The following NCOA2 variants were observed in gnomAD, a reference collection of about 807,000 sequenced individuals.
NCOA2 encodes nuclear receptor coactivator 2, also known as class E basic helix-loop-helix protein 75.
In NCOA2, 21 loss-of-function variants were observed where a neutral mutation model predicts 145.1. That is an observed-to-expected ratio of 0.14 (90% CI 0.10 to 0.21). NCOA2 has a LOEUF of 0.21. NCOA2 is among the 10% of genes least tolerant of loss of function. The pLI, the probability that NCOA2 is intolerant of heterozygous loss-of-function variation, is 1.00. For missense variants in NCOA2, 1,472 were observed against 1,837.6 expected (o/e 0.80, Z 3.64); for synonymous variants, 619 against 637.5 (o/e 0.97, Z 0.44).
intron 4 of NCOA2, among the ~76,000 whole-genome samples, chr8:70,202,213 T>C (rs1279045842): frequency 6.6e-6 from 1 of 151,960 alleles, no homozygotes; most frequent in Non-Finnish European, 1.5e-5. Context: ...TATGGGAAAA[T>C]GGAAAGTCTT....
At chr8:70,344,289 C>A (rs571580864) in intron 1 of NCOA2, among the ~76,000 whole-genome samples, 2 of 152,256 alleles carry the variant, frequency 1.3e-5, no homozygotes, top group South Asian at 2.1e-4. Context: ...CAGATGGGGA[C>A]TGGAAGTTTG....
At chr8:70,122,059 T>C (rs545357567) in intron 21 of NCOA2, among the ~76,000 whole-genome samples, 36 of 152,340 alleles carry the variant, frequency 2.4e-4, no homozygotes, top group Non-Finnish European at 2.5e-4. Flanking sequence ...CAAATAAAAA[T>C]GCATCAATTC....
chr8:70,453,274 C>T, the NCOA2 span, among the ~76,000 whole-genome samples: 1 of 152,194 alleles, frequency 6.6e-6, no homozygotes, highest in Non-Finnish European at 1.5e-5. Flanking sequence ...TGGCCCACAT[C>T]GAAATGCGCC....
rs542603690 is a variant in NCOA2, at chr8:70,162,969, C to T, written c.833-115G>A. The stretch of plus-strand genomic sequence containing the variant: ...TCACTCTATCGTCCAGGCTGGAGTG[C>T]AGTGGTGCGATCTCAGCTCACTGCA... On this transcript the variant is annotated intron_variant, in intron 8 of 22. Coordinates refer to ENST00000452400, the MANE Select transcript of NCOA2 (RefSeq NM_006540.4). The T allele has an allele frequency of 1.1e-4, 119 of 1,066,502 alleles. No homozygotes were observed. The South Asian group carries it at 1.5e-3, about 14-fold the overall frequency. 66.1% of individuals were successfully genotyped at this position (1,066,502 alleles called of 1,614,324 possible).
Position 70,160,682 on chromosome 8 carries a change from G to GAGAGAGAGAGAGGGA in NCOA2, c.977-1031_977-1030insTCCCTCTCTCTCTCT, listed in dbSNP as rs371258460. 4.7e-3 allele frequency among the ~76,000 whole-genome samples: 276 copies of GAGAGAGAGAGAGGGA among 58,354 alleles called. 1 individual carries two copies. Among genetic ancestry groups the GAGAGAGAGAGAGGGA allele is most frequent in the Admixed American group, 0.012 (54 of 4,442 alleles). The allele number at this position is 58,354 out of a possible 152,430, so 38.3% of individuals were successfully genotyped here. A position where few individuals can be genotyped will look rare whatever the true frequency, so the allele number is the denominator to read the frequency against. On this transcript the variant is annotated intron_variant, in intron 9 of 22. Transcript: ENST00000452400. ...GACAGAGAGAGAGAGAGAGAGAGAG[G>GAGAGAGAGAGAGGGA]GAGAGAGAGAGAGAGAGAGACTGAC...
At chr8:70,338,116 C>T (rs550206387) in intron 1 of NCOA2, among the ~76,000 whole-genome samples, 70 of 150,860 alleles carry the variant, frequency 4.6e-4, no homozygotes, top group Middle Eastern at 3.4e-3. Context: ...GATAGAGACA[C>T]AAAAAAACCC....
the NCOA2 span, among the ~76,000 whole-genome samples, chr8:70,443,508 A>C: frequency 9.9e-5 from 15 of 152,186 alleles, no homozygotes; most frequent in Non-Finnish European, 2.2e-4. Context: ...GAAACAGAGC[A>C]ATTGCCCCAA....
At position 70,122,216 on chromosome 8, in the gene NCOA2, T is replaced by C. The variant is rs34969832; in HGVS notation, c.4294-825A>G. Among the ~76,000 whole-genome samples the C allele has an allele frequency of 1.7e-3, 253 of 152,236 alleles. 1 individual carries two copies. Among genetic ancestry groups the C allele is most frequent in the Non-Finnish European group, 3.2e-3 (218 of 68,010 alleles). Reference sequence around the variant, plus strand: ...AAACATCAACCCTACATTTCTCCATTGAAGAAATAAAAGCATAGATATCTC... The same window carrying C: ...AAACATCAACCCTACATTTCTCCATCGAAGAAATAAAAGCATAGATATCTC... On this transcript the variant is annotated intron_variant, in intron 21 of 22. Transcript: ENST00000452400.
At chr8:70,353,732 C>G (rs1779602744) in intron 1 of NCOA2, among the ~76,000 whole-genome samples, 1 of 151,900 alleles carries the variant, frequency 6.6e-6, no homozygotes, top group Admixed American at 6.6e-5. Context: ...CTGATAATCT[C>G]CCATATCTAA....
intron 15 of NCOA2, among the ~76,000 whole-genome samples, chr8:70,133,200 C>CTTTTTTTTTTTTTTTTTTTTTT (rs57813061): frequency 4.4e-4 from 47 of 106,964 alleles, no homozygotes; most frequent in African/African-American, 1.7e-3. Context: ...CTGGCTGCTA[C>CTTTTTTTTTTTTTTTTTTTTTT]TTTTTTTTTT....
chr8:70,169,734 T>C (rs1814014084), intron 6 of NCOA2, among the ~76,000 whole-genome samples: 1 of 152,130 alleles, frequency 6.6e-6, no homozygotes, highest in African/African-American at 2.4e-5. Context: ...CCCATAAATA[T>C]ATACACCTAC....
chr8:70,282,379 T>C (rs1479954801), intron 2 of NCOA2, among the ~76,000 whole-genome samples: 7 of 152,118 alleles, frequency 4.6e-5, no homozygotes, highest in Non-Finnish European at 5.9e-5. Flanking sequence ...TACTAATTAA[T>C]TACATGAAAT....
At chr8:70,273,687 G>C in intron 2 of NCOA2, 1 of 653,056 alleles carries the variant, frequency 1.5e-6, no homozygotes, top group Non-Finnish European at 2.9e-6. Flanking sequence ...AACCAGCTTG[G>C]TGCAGGCAGT....
At chr8:70,441,842 GAC>G in the NCOA2 span, among the ~76,000 whole-genome samples, 1 of 148,890 alleles carries the variant, frequency 6.7e-6, no homozygotes, top group Non-Finnish European at 1.5e-5. Context: ...AAGAAAGAAA[GAC>G]AGAAAGACAG....
At chr8:70,440,328 G>T in the NCOA2 span, among the ~76,000 whole-genome samples, 20 of 152,102 alleles carry the variant, frequency 1.3e-4, no homozygotes, top group Admixed American at 1.3e-3. Context: ...AGCTAGCAGT[G>T]GTGGCTCACG....
the NCOA2 span, among the ~76,000 whole-genome samples, chr8:70,430,026 T>C: frequency 6.6e-6 from 1 of 152,126 alleles, no homozygotes; most frequent in Non-Finnish European, 1.5e-5. Context: ...CTAATTTTCT[T>C]ATTTCGTGTA....
At chr8:70,412,164 G>A in the NCOA2 span, among the ~76,000 whole-genome samples, 1 of 152,056 alleles carries the variant, frequency 6.6e-6, no homozygotes, top group African/African-American at 2.4e-5. Context: ...GCTAGCAGCT[G>A]TAATTCCAGC....
intron 2 of NCOA2, chr8:70,273,538 G>A (rs529049108): frequency 9.6e-4 from 709 of 734,954 alleles, no homozygotes; most frequent in Non-Finnish European, 1.5e-3. Flanking sequence ...GCATTGAAGA[G>A]GTGAATATGT....
intron 1 of NCOA2, chr8:70,402,584 C>T (rs1198234707): frequency 6.6e-6 from 1 of 152,056 alleles, no homozygotes; most frequent in Non-Finnish European, 1.5e-5. Flanking sequence ...CCCCGGCCCC[C>T]TCCCCCAGCA....
Sources: gnomAD v4.1 joint callset for allele counts (sites outside exome capture counted in the v4.1 genomes callset) on GRCh38, gnomAD v4.1.1 for gene constraint, MANE v1.5 for transcripts, NCBI Gene and HGNC (gene_info 2026-07-23, HGNC 2026-07-21) for gene names.